ARK2C: variants seen among roughly 807,000 people sequenced by gnomAD.
The protein encoded by ARK2C is E3 ubiquitin-protein ligase ARK2C.
At chr18:46,357,036 A>G in the ARK2C span, among the ~76,000 whole-genome samples, 1 of 152,172 alleles carries the variant, frequency 6.6e-6, no homozygotes, top group East Asian at 1.9e-4. Context: ...CAAAATCCAC[A>G]TTCCCAGGCC....
chr18:46,342,924 A>G, the ARK2C span, among the ~76,000 whole-genome samples: 4 of 152,180 alleles, frequency 2.6e-5, no homozygotes, highest in Non-Finnish European at 5.9e-5. Context: ...TGTAAACACA[A>G]TATATGTATA....
chr18:46,433,871 T>C, the ARK2C span, among the ~76,000 whole-genome samples: 1 of 152,066 alleles, frequency 6.6e-6, no homozygotes, highest in Non-Finnish European at 1.5e-5. Flanking sequence ...CGGGAGGAAA[T>C]TTGACTAGGG....
the ARK2C span, among the ~76,000 whole-genome samples, chr18:46,453,019 C>T: frequency 2.3e-4 from 35 of 152,328 alleles, no homozygotes; most frequent in African/African-American, 6.7e-4. Context: ...CTGGTATCTA[C>T]TAAGTGCCCA....
At chr18:46,453,100 T>C in the ARK2C span, among the ~76,000 whole-genome samples, 3 of 151,950 alleles carry the variant, frequency 2.0e-5, no homozygotes, top group East Asian at 5.8e-4. Context: ...TGTCAAAGAC[T>C]GTGAATCAGT....
chr18:46,432,350 A>G, the ARK2C span, among the ~76,000 whole-genome samples: 2 of 152,228 alleles, frequency 1.3e-5, no homozygotes, highest in African/African-American at 2.4e-5. Context: ...TTATTTAACT[A>G]TTACTTAAAT....
At chr18:46,414,941 G>A in the ARK2C span, among the ~76,000 whole-genome samples, 2 of 152,226 alleles carry the variant, frequency 1.3e-5, no homozygotes, top group African/African-American at 4.8e-5. Flanking sequence ...GTGTGAGGGA[G>A]TAGGGGCTGA....
At chr18:46,435,780 C>A in the ARK2C span, among the ~76,000 whole-genome samples, 3 of 152,170 alleles carry the variant, frequency 2.0e-5, no homozygotes, top group Admixed American at 6.5e-5. Flanking sequence ...CTTTCTGGAG[C>A]AGGTGCATCT....
the ARK2C span, among the ~76,000 whole-genome samples, chr18:46,418,829 T>C: frequency 2.0e-5 from 3 of 152,268 alleles, no homozygotes; most frequent in Admixed American, 1.3e-4. Context: ...AGTTAGTTTT[T>C]CTGTCTCAGT....
the ARK2C span, among the ~76,000 whole-genome samples, chr18:46,366,292 CAAAAAAAAAAA>C: frequency 1.0e-3 from 56 of 54,506 alleles, no homozygotes; most frequent in South Asian, 0.012. Flanking sequence ...AACTCTGGCT[CAAAAAAAAAAA>C]AAAAAAAAAA....
the ARK2C span, among the ~76,000 whole-genome samples, chr18:46,427,659 C>T: frequency 5.3e-5 from 8 of 152,368 alleles, no homozygotes; most frequent in South Asian, 4.1e-4. Context: ...CTTCGAGCCA[C>T]GGAGCTTCCC....
At chr18:46,379,262 T>G in the ARK2C span, among the ~76,000 whole-genome samples, 1 of 152,148 alleles carries the variant, frequency 6.6e-6, no homozygotes, top group Non-Finnish European at 1.5e-5. Flanking sequence ...AGTCCACAGG[T>G]TTTTAAGCTT....
At chr18:46,377,286 A>T in the ARK2C span, among the ~76,000 whole-genome samples, 2 of 152,354 alleles carry the variant, frequency 1.3e-5, no homozygotes, top group East Asian at 3.9e-4. Flanking sequence ...TTGACAGTTC[A>T]TGTCATCCCT....
At chr18:46,364,295 C>T in the ARK2C span, among the ~76,000 whole-genome samples, 1 of 152,040 alleles carries the variant, frequency 6.6e-6, no homozygotes, top group Non-Finnish European at 1.5e-5. Flanking sequence ...TCTTCCTGCC[C>T]TCCCCACCTC....
chr18:46,423,441 C>T, the ARK2C span, among the ~76,000 whole-genome samples: 5 of 152,182 alleles, frequency 3.3e-5, no homozygotes, highest in Non-Finnish European at 5.9e-5. Flanking sequence ...CAGGAACAGG[C>T]TTACTCCTAG....
At chr18:46,440,984 A>G in the ARK2C span, among the ~76,000 whole-genome samples, 1 of 151,606 alleles carries the variant, frequency 6.6e-6, no homozygotes, top group East Asian at 1.9e-4. Context: ...GATTGGCATT[A>G]TTATTTTTAA....
the ARK2C span, among the ~76,000 whole-genome samples, chr18:46,441,861 C>CAAAAAA: frequency 3.9e-4 from 48 of 122,090 alleles, no homozygotes; most frequent in African/African-American, 1.2e-3. Flanking sequence ...GACTCCATCT[C>CAAAAAA]AAAAAAAAAA....
chr18:46,365,323 C>G, the ARK2C span, among the ~76,000 whole-genome samples: 2 of 152,238 alleles, frequency 1.3e-5, no homozygotes, highest in Admixed American at 1.3e-4. Context: ...TACGCAGGGT[C>G]GAGTCCAGGA....
chr18:46,363,945 C>CTTTTTTTTTTTTT, the ARK2C span, among the ~76,000 whole-genome samples: 1 of 125,578 alleles, frequency 8.0e-6, no homozygotes, highest in Non-Finnish European at 1.7e-5. Flanking sequence ...TTTTTCTTTT[C>CTTTTTTTTTTTTT]TTTTTTTTTT....
the ARK2C span, among the ~76,000 whole-genome samples, chr18:46,372,808 C>T: frequency 1.3e-5 from 2 of 152,240 alleles, no homozygotes; most frequent in Non-Finnish European, 2.9e-5. Flanking sequence ...CATACGTTTC[C>T]TTTATTCTAA....
Sources: gnomAD v4.1 joint callset for allele counts (sites outside exome capture counted in the v4.1 genomes callset) on GRCh38, gnomAD v4.1.1 for gene constraint, MANE v1.5 for transcripts, NCBI Gene and HGNC (gene_info 2026-07-23, HGNC 2026-07-21) for gene names.